Variants in SEC24C observed in about 807,000 individuals in gnomAD.
SEC24C encodes the protein SEC24 homolog C, COPII component, also known as protein transport protein Sec24C.
SEC24C carries 22 observed loss-of-function variants against 117.0 expected under a neutral mutation model. The observed-to-expected ratio is 0.19, with a 90% confidence interval of 0.13 to 0.27. SEC24C has a LOEUF of 0.27. SEC24C is among the 10% of genes least tolerant of loss of function. The pLI is 1.00. For missense variants in SEC24C, 1,155 were observed against 1,375.1 expected, an observed-to-expected ratio of 0.84 and a Z score of 2.53; for synonymous variants, 506 against 529.4, an observed-to-expected ratio of 0.96 and a Z score of 0.61.
At chr10:73,756,681 G>T (rs1458929146) in intron 3 of SEC24C, among the ~76,000 whole-genome samples, 1 of 151,512 alleles carries the variant, frequency 6.6e-6, no homozygotes, top group Non-Finnish European at 1.5e-5. Context: ...GCTCACTGCA[G>T]CCTCTGCCTC....
intron 14 of SEC24C, 99 bp downstream of exon 14, chr10:73,767,269 T>A: frequency 1.3e-6 from 1 of 748,838 alleles, no homozygotes; most frequent in Non-Finnish European, 2.3e-6. Flanking sequence ...CACTCCACCC[T>A]TTCAAATACC....
chr10:73,770,282 A>G lies in SEC24C; in HGVS notation c.2865A>G (p.Thr955=). The change falls in exon 21 of 23, where the codon ACA becomes ACG. Residue 955 remains threonine (T), a splice_region_variant and synonymous_variant. Coordinates refer to ENST00000345254, the MANE Select transcript of SEC24C (RefSeq NM_198597.3). ...TTTGCTCCCTTCCTTTTGTCTAGAC[A>G]AAGTCTCCCGTTGAGAGTACTACCG... ...VFFYPRLLPL[T]KSPVESTTEP... is the part of the protein sequence containing the mutation. The G allele has an allele frequency of 6.2e-7, 1 of 1,601,452 alleles. No individual in the cohort carries two copies. The highest frequency in any genetic ancestry group is 1.1e-5 in the South Asian group (1 of 90,424).
intron 3 of SEC24C, among the ~76,000 whole-genome samples, chr10:73,752,815 C>T (rs1421751347): frequency 6.6e-6 from 1 of 152,034 alleles, no homozygotes; most frequent in Non-Finnish European, 1.5e-5. Flanking sequence ...CAAAGCAAGA[C>T]CCTGTCACAA....
At position 73,746,178 on chromosome 10, in the gene SEC24C, A is replaced by AC. The variant is rs1182595591; in HGVS notation, c.-28-627_-28-626insC. On this transcript the variant is annotated intron_variant, in intron 1 of 22. Coordinates refer to ENST00000345254, the MANE Select transcript of SEC24C (RefSeq NM_198597.3). ...CGTCTCAAAAAAAAAAAAAAAAAAA[A>AC]AAAACCTTCAGTTTTAAGGTCCATA... Among the ~76,000 whole-genome samples the AC allele has an allele frequency of 2.8e-4, 40 of 144,548 alleles. 1 individual carries two copies. Among genetic ancestry groups the AC allele is most frequent in the Non-Finnish European group, 3.6e-4 (24 of 66,194 alleles). 94.8% of individuals were successfully genotyped at this position (144,548 alleles called of 152,430 possible).
rs911304776 is a variant in SEC24C, at chr10:73,770,347, A to T, written c.2930A>T (p.Asn977Ile). Residue 977 changes from asparagine to isoleucine, a missense_variant, in exon 21 of 23, where the codon AAT becomes ATT. Around this residue, in one of 2 missense-constraint regions of SEC24C, gnomAD observed 759 missense variants for 992.3 expected, o/e 0.76. Coordinates refer to ENST00000345254, the MANE Select transcript of SEC24C (RefSeq NM_198597.3). ...CGAGCCTCTGAAGAGCGTCTAAGCAATGGGGATATATATTTACTGGAGAAT... is the reference window on the plus strand; with the variant it reads ...CGAGCCTCTGAAGAGCGTCTAAGCATTGGGGATATATATTTACTGGAGAAT... ...AVRASEERLS[N>I]GDIYLLENGL... 3 of 1,613,334 alleles carry T rather than the reference A, an allele frequency of 1.9e-6. No individual in the cohort carries two copies. The African/African-American group carries it at 4.0e-5, about 22-fold the overall frequency.
At chr10:73,770,594 T>G in intron 21 of SEC24C, 115 bp from the exon 22 acceptor site, 1 of 1,490,538 alleles carries the variant, frequency 6.7e-7, no homozygotes, top group Non-Finnish European at 9.4e-7. Flanking sequence ...ACAAGGGCAG[T>G]TGCTGTCATT....
intron 6 of SEC24C, chr10:73,762,305 T>C (rs1218461783): frequency 2.0e-6 from 1 of 499,590 alleles, no homozygotes; most frequent in Admixed American, 2.9e-5. Context: ...TTCTAGATAC[T>C]CACTTATACA....
chr10:73,766,912 C>A, intron 13 of SEC24C, 59 bp downstream of exon 13: 1 of 1,504,308 alleles, frequency 6.6e-7, no homozygotes, highest in South Asian at 1.1e-5. Context: ...CCATCTTATC[C>A]CCTGGGATAC....
intron 6 of SEC24C, among the ~76,000 whole-genome samples, chr10:73,761,469 C>T (rs2082795316): frequency 6.6e-6 from 1 of 152,166 alleles, no homozygotes; most frequent in Admixed American, 6.5e-5. Flanking sequence ...CTCAGGCCCT[C>T]CTTATCAGAC....
At chr10:73,759,544 T>C in intron 3 of SEC24C, 78 bp from the exon 4 acceptor site, 1 of 1,128,258 alleles carries the variant, frequency 8.9e-7, no homozygotes, top group Non-Finnish European at 1.2e-6. Context: ...TGTAGCTTCC[T>C]GTATGATGTG....
chr10:73,756,954 A>G (rs1280252680), intron 3 of SEC24C, among the ~76,000 whole-genome samples: 1 of 119,240 alleles, frequency 8.4e-6, no homozygotes, highest in African/African-American at 3.3e-5. Context: ...TCTGTCACCC[A>G]GGCTGGAGTG....
intron 4 of SEC24C, 50 bp from the exon 5 acceptor site, chr10:73,759,968 A>C: frequency 6.6e-7 from 1 of 1,522,210 alleles, no homozygotes; most frequent in Non-Finnish European, 8.8e-7. Flanking sequence ...ATACCGAACA[A>C]GGAGGCAGAA....
intron 6 of SEC24C, chr10:73,762,068 C>T (rs1485474504): frequency 1.6e-6 from 2 of 1,279,880 alleles, no homozygotes; most frequent in Admixed American, 4.6e-5. Context: ...TTGTATTCCC[C>T]TGCTGCATTT....
At chr10:73,750,406 G>A (rs1030831520) in intron 2 of SEC24C, among the ~76,000 whole-genome samples, 2 of 152,224 alleles carry the variant, frequency 1.3e-5, no homozygotes, top group South Asian at 2.1e-4. Flanking sequence ...GCTAAGGGTA[G>A]TGTAAGTAGC....
chr10:73,771,118 G>C lies in SEC24C; in HGVS notation c.*23G>C. ...TAAAGCAAGTGGGTAAATGGCATAG[G>C]GCCCAGGCTAGCTTCCAGAAAGCAC... On this transcript the variant is annotated 3_prime_UTR_variant, in exon 23 of 23. Transcript: ENST00000345254. 6.2e-7 allele frequency: 1 copy of C among 1,607,762 alleles called. No homozygotes were observed. The highest frequency in any genetic ancestry group is 8.5e-7 in the Non-Finnish European group (1 of 1,177,252).
At chr10:73,764,383 G>A (rs2082847532) in intron 8 of SEC24C, among the ~76,000 whole-genome samples, 1 of 152,124 alleles carries the variant, frequency 6.6e-6, no homozygotes, top group African/African-American at 2.4e-5. Context: ...AATTAGCCGG[G>A]CGTGGTGGCG....
rs1352962531 is a variant in SEC24C at position 73,765,554 on chromosome 10, G to A, written c.1331G>A (p.Arg444His). ...PFMQFIEGGRRFQCCFCSCIN... is the reference protein window; with the variant it reads ...PFMQFIEGGRHFQCCFCSCIN... ...ATGCAGTTCATTGAAGGAGGGAGGC[G>A]TTTCCAGTGCTGTTTTTGCAGCTGT... Residue 444 changes from arginine (R) to histidine (H), a missense_variant, in exon 9 of 23, where the codon CGT becomes CAT. Transcript: ENST00000345254. The A allele has an allele frequency of 6.2e-6, 10 of 1,613,922 alleles. No individual in the cohort carries two copies. In the Admixed American group the frequency reaches 6.7e-5, roughly 11 times the overall value.
At chr10:73,759,863 T>C in intron 4 of SEC24C, 69 bp downstream of exon 4, 2 of 1,486,656 alleles carry the variant, frequency 1.3e-6, no homozygotes, top group East Asian at 2.3e-5. Flanking sequence ...GGGTTATACC[T>C]GAATCTCTTT....
rs766555777 is a variant in SEC24C, at chr10:73,769,775, A to C, written c.2682+42A>C. ...AGTGGGAGGTGGGGTTGTTGGGACAAATGTTTGCATTTGGGAGGGATTTCT... is the reference window on the plus strand; with the variant it reads ...AGTGGGAGGTGGGGTTGTTGGGACACATGTTTGCATTTGGGAGGGATTTCT... On this transcript the variant is annotated intron_variant, in intron 19 of 22. Transcript: ENST00000345254. This position sits in a 1 kb window ranked among gnomAD's most constrained non-coding sequence, Gnocchi z 4.5. The C allele has an allele frequency of 6.2e-7, 1 of 1,612,430 alleles. No individual in the cohort carries two copies. The highest frequency in any genetic ancestry group is 8.5e-7 in the Non-Finnish European group (1 of 1,178,550).
Sources: gnomAD v4.1 joint callset for allele counts (sites outside exome capture counted in the v4.1 genomes callset) on GRCh38, gnomAD v4.1.1 for gene constraint, gnomAD v4.1.1 regional missense constraint, Gnocchi (gnomAD v3.1) non-coding constraint, MANE v1.5 for transcripts, NCBI Gene and HGNC (gene_info 2026-07-23, HGNC 2026-07-21) for gene names.